NHS: variants seen among roughly 807,000 people sequenced by gnomAD.
NHS encodes NHS actin remodeling regulator, also known as actin remodeling regulator NHS.
Under a neutral mutation model 72.5 loss-of-function variants are expected in NHS, and 5 were observed. The ratio of observed to expected loss-of-function variants is 0.07; its 90% confidence interval spans 0.04 to 0.14. The LOEUF is 0.14. NHS is among the 10% of genes least tolerant of loss of function. The probability of loss-of-function intolerance (pLI) is 1.00; values close to 1 mark genes in which losing one functional copy is unlikely to be tolerated. For missense variants in NHS, 1,072 were observed against 1,355.7 expected, an observed-to-expected ratio of 0.79 and a Z score of 3.29; for synonymous variants, 464 against 547.7, an observed-to-expected ratio of 0.85 and a Z score of 2.13.
rs2066441567 is a variant in NHS, at chrX:17,726,137, G to A, written c.2031G>A (p.Glu677=). 1.7e-6 allele frequency: 2 copies of A among 1,212,050 alleles called. No individual in the cohort carries two copies. Among genetic ancestry groups the A allele is most frequent in the East Asian group, 5.9e-5 (2 of 33,850 alleles). ...LSLNTAPHAN[E]DASVFVTEQY... ...TAAACACAGCCCCTCATGCCAATGA[G>A]GATGCCAGTGTTTTCGTGACAGAGC... The change falls in exon 7 of 9, where the codon GAG becomes GAA. Residue 677 remains glutamate, a synonymous_variant. Coordinates refer to ENST00000676302, the MANE Select transcript of NHS (RefSeq NM_001291867.2).
chrX:17,531,316 G>A (rs767571551), intron 1 of NHS, among the ~76,000 whole-genome samples: 17 of 105,774 alleles, frequency 1.6e-4, no homozygotes, highest in Non-Finnish European at 2.9e-4. Context: ...CAGTTAGATT[G>A]CAAGCTGGAA....
At chrX:17,660,926 A>T (rs1385848636) in intron 1 of NHS, among the ~76,000 whole-genome samples, 1 of 112,423 alleles carries the variant, frequency 8.9e-6, no homozygotes, top group Non-Finnish European at 1.9e-5. Context: ...TCTCAGGAGG[A>T]GTTGATGGTA....
Position 17,725,762 on chromosome X carries a change from G to A in NHS, c.1656G>A (p.Pro552=), listed in dbSNP as rs763470722. ...ATTTCAGTGAGGCTCCAAGCAGCCCGAGTGCCCAGGACCACCAGCCTACTT... is the reference window on the plus strand; with the variant it reads ...ATTTCAGTGAGGCTCCAAGCAGCCCAAGTGCCCAGGACCACCAGCCTACTT... ...PNDFSEAPSS[P]SAQDHQPTLG... The change falls in exon 7 of 9, where the codon CCG becomes CCA. Residue 552 remains proline, a synonymous_variant. Coordinates refer to ENST00000676302, the MANE Select transcript of NHS (RefSeq NM_001291867.2). 4.1e-6 allele frequency: 5 copies of A among 1,209,135 alleles called. No individual in the cohort carries two copies. Among genetic ancestry groups the A allele is most frequent in the East Asian group, 5.9e-5 (2 of 33,732 alleles).
chrX:17,624,548 C>T (rs2065788512), intron 1 of NHS, among the ~76,000 whole-genome samples: 1 of 113,139 alleles, frequency 8.8e-6, no homozygotes, highest in South Asian at 3.6e-4. Flanking sequence ...AATGGAATCA[C>T]ACAACATGTA....
chrX:17,587,005 C>T (rs931641630), intron 1 of NHS: 21 of 111,996 alleles, frequency 1.9e-4, no homozygotes, highest in African/African-American at 6.8e-4. Context: ...TTCCCAATAC[C>T]TGGGACAATG....
chrX:17,417,639 A>C (rs1171663556), intron 1 of NHS, among the ~76,000 whole-genome samples: 1 of 112,225 alleles, frequency 8.9e-6, no homozygotes. Context: ...TATGGCCTTC[A>C]GGGTCCATTT....
Position 17,399,304 on chromosome X carries a change from G to T in NHS, c.565+22982G>T, listed in dbSNP as rs1039423960. Among the ~76,000 whole-genome samples the T allele has an allele frequency of 3.6e-5, 4 of 111,197 alleles. No individual in the cohort carries two copies. The Admixed American group carries it at 3.8e-4, about 11-fold the overall frequency. On this transcript the variant is annotated intron_variant, in intron 1 of 8. Coordinates refer to ENST00000676302, the MANE Select transcript of NHS (RefSeq NM_001291867.2). ...TTTAGTAGAGACAGGGTTTCACCAT[G>T]TTGGCCAGGCTAGTCTAGAACTCCT...
rs749140296 is a variant in NHS, at chrX:17,735,224, T to C, written c.*2760T>C. On this transcript the variant is annotated 3_prime_UTR_variant, in exon 9 of 9. Transcript: ENST00000676302. ...TGGAAAAGAGTATTGAGTTACAAAC[T>C]GAGAAGAAAAAGCAGGAAGTTCCCT... The C allele has an allele frequency of 1.8e-5, 2 of 112,767 alleles. No homozygotes were observed. Among genetic ancestry groups the C allele is most frequent in the South Asian group, 7.3e-4 (2 of 2,754 alleles). 9.3% of individuals were successfully genotyped at this position (112,767 alleles called of 1,213,427 possible).
chrX:17,401,301 A>G (rs1475408259), intron 1 of NHS, among the ~76,000 whole-genome samples: 5 of 112,134 alleles, frequency 4.5e-5, no homozygotes, highest in Non-Finnish European at 1.9e-5. Flanking sequence ...AAGCAAAGTA[A>G]GTCTTTATGA....
intron 1 of NHS, among the ~76,000 whole-genome samples, chrX:17,458,509 G>A (rs1238397537): frequency 6.3e-5 from 7 of 110,532 alleles, no homozygotes; most frequent in African/African-American, 9.9e-5. Context: ...GATTACAGGC[G>A]CGAGAGGGAG....
chrX:17,656,387 G>T (rs1017461222), intron 1 of NHS, among the ~76,000 whole-genome samples: 2 of 113,139 alleles, frequency 1.8e-5, no homozygotes, highest in Non-Finnish European at 3.8e-5. Flanking sequence ...GGACCAGCCT[G>T]GGGGGAGGGG....
chrX:17,416,792 A>G (rs868377592), intron 1 of NHS, among the ~76,000 whole-genome samples: 15 of 95,710 alleles, frequency 1.6e-4, no homozygotes, highest in South Asian at 1.0e-3. Flanking sequence ...ATGTAGGAGT[A>G]TGTGTGTGTG....
intron 3 of NHS, among the ~76,000 whole-genome samples, chrX:17,719,022 GA>G (rs1314898694): frequency 3.3e-5 from 3 of 91,087 alleles, no homozygotes; most frequent in African/African-American, 1.2e-4. Context: ...AAGGAAGGAA[GA>G]AAAAAGGAAA....
chrX:17,379,646 G>GCA, intron 1 of NHS, among the ~76,000 whole-genome samples: 4 of 111,119 alleles, frequency 3.6e-5, no homozygotes, highest in African/African-American at 9.8e-5. Context: ...GTGGTGGCAG[G>GCA]CGCCTGTAAT....
rs1023709172 is a variant in NHS at position 17,646,536 on chromosome X, G to A, written c.566-41206G>A. Reference sequence around the variant, plus strand: ...AACCTTCCCTCCCAATTGAGTACATGATACTTTTATGTCTCCTCTGCTCTG... The same window carrying A: ...AACCTTCCCTCCCAATTGAGTACATAATACTTTTATGTCTCCTCTGCTCTG... On this transcript the variant is annotated intron_variant, in intron 1 of 8. Transcript: ENST00000676302. 3.1e-4 allele frequency among the ~76,000 whole-genome samples: 35 copies of A among 111,438 alleles called. 1 individual carries two copies.
chrX:17,487,488 G>C (rs989480415), intron 1 of NHS, among the ~76,000 whole-genome samples: 2 of 111,769 alleles, frequency 1.8e-5, no homozygotes, highest in Non-Finnish European at 3.8e-5. Flanking sequence ...AGATAGCTGT[G>C]CTCTAGTTCT....
At chrX:17,445,271 C>G (rs975408023) in intron 1 of NHS, among the ~76,000 whole-genome samples, 1 of 111,625 alleles carries the variant, frequency 9.0e-6, no homozygotes, top group African/African-American at 3.3e-5. Flanking sequence ...GTCCTTCCCC[C>G]TAAGTACAAC....
chrX:17,600,753 G>C (rs1415537679), intron 1 of NHS, among the ~76,000 whole-genome samples: 1 of 110,936 alleles, frequency 9.0e-6, no homozygotes, highest in Non-Finnish European at 1.9e-5. Context: ...GGGAGGAAAG[G>C]AAGGAGGAAA....
At chrX:17,554,353 A>G (rs1601766465) in intron 1 of NHS, among the ~76,000 whole-genome samples, 1 of 112,110 alleles carries the variant, frequency 8.9e-6, no homozygotes, top group Non-Finnish European at 1.9e-5. Context: ...TCCTCAGAAC[A>G]CTGTGCAGAG....
Sources: allele counts gnomAD v4.1 joint callset (sites outside exome capture counted in the v4.1 genomes callset), GRCh38; gene constraint gnomAD v4.1.1; transcripts MANE v1.5; gene names NCBI Gene and HGNC (gene_info 2026-07-23, HGNC 2026-07-21).